TLN2: variants seen among roughly 807,000 people sequenced by gnomAD.
The protein encoded by TLN2 is talin-2.
Under a neutral mutation model 294.7 loss-of-function variants are expected in TLN2, and 118 were observed. The ratio of observed to expected loss-of-function variants is 0.40; its 90% CI spans 0.34 to 0.47. The LOEUF (loss-of-function observed/expected upper bound fraction) is 0.47, where lower values mean the gene tolerates loss of function less well. Among genes scored for constraint, TLN2 ranks in the 20% least tolerant of loss-of-function variants. The pLI is 0.84. For synonymous variants in TLN2, 1,431 were observed against 1,304.5 expected (o/e 1.10, Z -2.09); for missense variants, 3,083 against 3,282.2 (o/e 0.94, Z 1.48).
Position 62,707,076 on chromosome 15 carries a change from C to T in TLN2, c.2005-10C>T, listed in dbSNP as rs1235452882. ...AAATAAATGAATAGTCTTTGATTCCCTTTTCTTAGGATGTTTTAATGAGTT... is the reference window on the plus strand; with the variant it reads ...AAATAAATGAATAGTCTTTGATTCCTTTTTCTTAGGATGTTTTAATGAGTT... On this transcript the variant is annotated splice_polypyrimidine_tract_variant and intron_variant, in intron 19 of 58. Transcript: ENST00000636159. 1 of 1,601,028 alleles carries T rather than the reference C, an allele frequency of 6.2e-7. No homozygotes were observed. The highest frequency in any genetic ancestry group is 2.2e-5 in the East Asian group (1 of 44,450).
intron 40 of TLN2, among the ~76,000 whole-genome samples, chr15:62,764,477 G>A (rs561908799): frequency 8.5e-5 from 13 of 152,066 alleles, no homozygotes; most frequent in East Asian, 3.8e-4. Flanking sequence ...TGTCTATTTC[G>A]CTCCACCTTC....
intron 45 of TLN2, among the ~76,000 whole-genome samples, chr15:62,785,242 T>A (rs1344364028): frequency 6.6e-6 from 1 of 152,226 alleles, no homozygotes; most frequent in Non-Finnish European, 1.5e-5. Context: ...CTATCATTTT[T>A]TTTTTAAATA....
chr15:62,798,183 G>T (rs902205695), intron 48 of TLN2, among the ~76,000 whole-genome samples: 1 of 152,268 alleles, frequency 6.6e-6, no homozygotes, highest in African/African-American at 2.4e-5. Context: ...CCAGATGGGG[G>T]TGGGGAAATG....
chr15:62,604,179 C>G (rs1057352255), intron 2 of TLN2, among the ~76,000 whole-genome samples: 7 of 151,988 alleles, frequency 4.6e-5, no homozygotes, highest in African/African-American at 9.7e-5. Flanking sequence ...TCTAGGCATT[C>G]GGGAGCCATA....
chr15:62,630,287 G>A (rs867274807), intron 3 of TLN2, among the ~76,000 whole-genome samples: 1 of 152,168 alleles, frequency 6.6e-6, no homozygotes, highest in South Asian at 2.1e-4. Context: ...TAGACTAGAT[G>A]ACTTCTAAGG....
intron 1 of TLN2, among the ~76,000 whole-genome samples, chr15:62,519,388 A>G (rs2040345849): frequency 6.6e-6 from 1 of 152,190 alleles, no homozygotes; most frequent in Admixed American, 6.5e-5. Flanking sequence ...GTTAGTGTTC[A>G]CACCTTTATT....
rs2070605663 is a variant in TLN2 at position 62,840,869 on chromosome 15, A to C, written c.*259A>C. ...ACCGTGTCTCAGGAGAGAGGGGTGCACGTTTCATGGACTGTTACCAACAAA... is the reference window on the plus strand; with the variant it reads ...ACCGTGTCTCAGGAGAGAGGGGTGCCCGTTTCATGGACTGTTACCAACAAA... On this transcript the variant is annotated 3_prime_UTR_variant, in exon 59 of 59. Coordinates refer to ENST00000636159, the MANE Select transcript of TLN2 (RefSeq NM_015059.3). The C allele has an allele frequency of 2.3e-6, 1 of 435,206 alleles. No homozygotes were observed. Among genetic ancestry groups the C allele is most frequent in the South Asian group, 4.4e-5 (1 of 22,784 alleles). 27.0% of individuals were successfully genotyped at this position (435,206 alleles called of 1,614,324 possible).
At chr15:62,783,597 A>C (rs4775541) in intron 44 of TLN2, among the ~76,000 whole-genome samples, 174 bp from the exon 45 acceptor site, 149,729 of 152,370 alleles carry the variant, frequency 0.98, 73,616 homozygotes, top group Middle Eastern at 1. Context: ...GCTTGGCTTG[A>C]ATTGCCCTCT....
At chr15:62,820,872 G>C (rs1212115504) in intron 54 of TLN2, among the ~76,000 whole-genome samples, 1 of 152,200 alleles carries the variant, frequency 6.6e-6, no homozygotes, top group South Asian at 2.1e-4. Flanking sequence ...TCTTGATTTA[G>C]TTCATTATCT....
chr15:62,403,965 A>T (rs1323996844), intron 1 of TLN2, among the ~76,000 whole-genome samples: 3 of 152,220 alleles, frequency 2.0e-5, no homozygotes, highest in Non-Finnish European at 4.4e-5. Flanking sequence ...CTGCCGCTGT[A>T]TCCCCAAGTG....
At chr15:62,836,834 A>G (rs545799401) in intron 57 of TLN2, among the ~76,000 whole-genome samples, 3 of 152,338 alleles carry the variant, frequency 2.0e-5, no homozygotes, top group African/African-American at 7.2e-5. Context: ...AATTTTGTCC[A>G]GTTGTAATCA....
At chr15:62,484,879 A>G (rs140089614) in intron 1 of TLN2, among the ~76,000 whole-genome samples, 70 of 152,298 alleles carry the variant, frequency 4.6e-4, no homozygotes, top group African/African-American at 1.6e-3. Context: ...GCTGCAACAA[A>G]TGACCTTAAA....
intron 1 of TLN2, among the ~76,000 whole-genome samples, chr15:62,560,347 T>G (rs1268004981): frequency 6.6e-6 from 1 of 152,118 alleles, no homozygotes; most frequent in Non-Finnish European, 1.5e-5. Context: ...TTCAAGTGAT[T>G]CTGCTGCCTC....
At chr15:62,492,859 C>G (rs1469935507) in intron 1 of TLN2, among the ~76,000 whole-genome samples, 4 of 152,044 alleles carry the variant, frequency 2.6e-5, no homozygotes, top group Non-Finnish European at 5.9e-5. Flanking sequence ...TTGGTAAATC[C>G]TTGTGTCTCT....
chr15:62,761,973 A>G, intron 38 of TLN2, 152 bp downstream of exon 38: 1 of 1,090,738 alleles, frequency 9.2e-7, no homozygotes, highest in Non-Finnish European at 1.4e-6. Flanking sequence ...CAGTTAGTGA[A>G]ACACAATGAC....
At chr15:62,703,627 G>GCGCA (rs1200601805) in intron 19 of TLN2, among the ~76,000 whole-genome samples, 28 of 116,730 alleles carry the variant, frequency 2.4e-4, no homozygotes, top group African/African-American at 8.2e-4. Context: ...ACACACGCGC[G>GCGCA]CACACACACA....
intron 1 of TLN2, among the ~76,000 whole-genome samples, chr15:62,488,819 A>C (rs913775032): frequency 6.6e-6 from 1 of 152,216 alleles, no homozygotes; most frequent in Non-Finnish European, 1.5e-5. Context: ...AGACAGTAAG[A>C]ATATGAGCAT....
chr15:62,417,029 C>T (rs935474836), intron 1 of TLN2, among the ~76,000 whole-genome samples: 1 of 152,084 alleles, frequency 6.6e-6, no homozygotes, highest in Non-Finnish European at 1.5e-5. Context: ...AGATCTATTC[C>T]GCAGATCATC....
At chr15:62,564,919 A>ATATATATATAT (rs1252446922) in intron 1 of TLN2, among the ~76,000 whole-genome samples, 26 of 112,250 alleles carry the variant, frequency 2.3e-4, no homozygotes, top group African/African-American at 5.8e-4. Flanking sequence ...AAAAAAAAAA[A>ATATATATATAT]AAAAAAATAT....
Sources: gnomAD v4.1 joint callset for allele counts (sites outside exome capture counted in the v4.1 genomes callset) on GRCh38, gnomAD v4.1.1 for gene constraint, MANE v1.5 for transcripts, NCBI Gene and HGNC (gene_info 2026-07-23, HGNC 2026-07-21) for gene names.